Variants in KIF21B observed in about 807,000 individuals in gnomAD.
KIF21B encodes kinesin family member 21B.
Under a neutral mutation model 192.9 loss-of-function variants are expected in KIF21B, and 85 were observed. That is an observed-to-expected ratio of 0.44 (90% confidence interval 0.37 to 0.53). KIF21B has a LOEUF of 0.53. Ranked by LOEUF, KIF21B falls within the 20% of genes least tolerant of loss-of-function variation. KIF21B has a pLI of 0.00. For missense variants in KIF21B, 1,716 were observed against 2,194.8 expected (o/e 0.78, Z 4.36); for synonymous variants, 832 against 884.6 (o/e 0.94, Z 1.05).
intron 2 of KIF21B, 117 bp downstream of exon 2, chr1:201,009,149 A>T: frequency 8.5e-7 from 1 of 1,178,292 alleles, no homozygotes; most frequent in Non-Finnish European, 1.2e-6. Context: ...GCCTCCTTAG[A>T]CAATAGACAA....
chr1:201,007,634 G>GCA (rs142138159), intron 3 of KIF21B, among the ~76,000 whole-genome samples: 86 of 82,990 alleles, frequency 1.0e-3, no homozygotes, highest in Middle Eastern at 0.011. Flanking sequence ...ACACAGACAG[G>GCA]CACACACACA....
chr1:200,997,225 A>G (rs1393454292), intron 14 of KIF21B, among the ~76,000 whole-genome samples: 2 of 152,136 alleles, frequency 1.3e-5, no homozygotes, highest in Non-Finnish European at 2.9e-5. Context: ...GTATAAGGCA[A>G]TGTCCTTACA....
At chr1:200,979,825 C>T in intron 29 of KIF21B, 110 bp from the exon 30 acceptor site, 3 of 842,006 alleles carry the variant, frequency 3.6e-6, no homozygotes, top group Non-Finnish European at 5.2e-6. Context: ...ATCCACAGGG[C>T]TCCAGAGGAC....
chr1:201,009,015 C>G, intron 2 of KIF21B, 64 bp from the exon 3 acceptor site: 1 of 1,523,896 alleles, frequency 6.6e-7, no homozygotes, highest in Non-Finnish European at 8.8e-7. Flanking sequence ...AAGCCCTGTA[C>G]CTGGGCCAAA....
rs1249624509 is a variant in KIF21B at position 200,999,807 on chromosome 1, C to T, written c.1767+76G>A. 27 of 1,498,806 alleles carry T rather than the reference C, an allele frequency of 1.8e-5. No homozygotes were observed. Among genetic ancestry groups the T allele is most frequent in the South Asian group, 6.7e-5 (6 of 88,906 alleles). The allele number at this position is 1,498,806 out of a possible 1,614,324, so 92.8% of individuals were successfully genotyped here. On this transcript the variant is annotated intron_variant, in intron 12 of 34. Coordinates refer to ENST00000461742, the MANE Select transcript of KIF21B (RefSeq NM_001252102.2). This position sits in a 1 kb window ranked among gnomAD's most constrained non-coding sequence, Gnocchi z 4.7. The stretch of plus-strand genomic sequence containing the variant: ...GCCTCCTTCACTCCATACAAGGATG[C>T]GGATGGGGCCCCCGCCAACCCCAGC...
intron 29 of KIF21B, 74 bp from the exon 30 acceptor site, chr1:200,979,789 G>A (rs190442079): frequency 2.3e-6 from 3 of 1,326,712 alleles, no homozygotes; most frequent in East Asian, 5.4e-5. Context: ...CACCTCTGCA[G>A]GGGCTGCCCA....
rs140335251 is a variant in KIF21B at position 201,004,444 on chromosome 1, G to A, written c.912C>T (p.Gly304=). Residue 304 remains glycine (G), a synonymous_variant, in exon 7 of 35, where the codon GGC becomes GGT. Transcript: ENST00000461742. The part of the protein sequence containing the change: ...ISINCGLLAL[G]NVISALGDQS... ...GGTCCCCTAAGGCGCTGATCACATT[G>A]CCCAAGGCCAGCTGTGGGAGACAGA... 5.1e-6 allele frequency: 8 copies of A among 1,573,584 alleles called. No individual in the cohort carries two copies. In the African/African-American group the frequency reaches 1.1e-4, roughly 21 times the overall value.
At chr1:201,016,373 G>A (rs1342530823) in intron 1 of KIF21B, among the ~76,000 whole-genome samples, 4 of 152,328 alleles carry the variant, frequency 2.6e-5, no homozygotes, top group South Asian at 2.1e-4. Context: ...GGAGAAGTAC[G>A]GAGTCGGGAA....
At chr1:201,005,179 A>G in intron 5 of KIF21B, 129 bp downstream of exon 5, 1 of 1,332,748 alleles carries the variant, frequency 7.5e-7, no homozygotes, top group Non-Finnish European at 1.0e-6. Context: ...AGAAAAATAT[A>G]AAAATCAACA....
At position 200,999,917 on chromosome 1, in the gene KIF21B, T is replaced by A; in HGVS notation, c.1733A>T (p.Asn578Ile). The change falls in exon 12 of 35, where the codon AAC becomes ATC. Residue 578 changes from asparagine (N) to isoleucine (I), a missense_variant. Transcript: ENST00000461742. This position sits in a 1 kb window ranked among gnomAD's most constrained non-coding sequence, Gnocchi z 4.7. ...FKKRAKLQQE[N>I]SEETDENEAE... ...CTCGTTCTCATCCGTCTCCTCGCTG[T>A]TCTCCTGTTGGAGTTTTGCCCTCTT... is the stretch of plus-strand genomic sequence containing the variant. The A allele has an allele frequency of 6.2e-7, 1 of 1,614,032 alleles. No homozygotes were observed. The highest frequency in any genetic ancestry group is 8.5e-7 in the Non-Finnish European group (1 of 1,180,012).
In KIF21B at chr1:200,986,997, A is replaced by G; in HGVS notation, c.3613T>C (p.Phe1205Leu). 1.2e-6 allele frequency: 2 copies of G among 1,613,794 alleles called. No individual in the cohort carries two copies. The highest frequency in any genetic ancestry group is 1.7e-6 in the Non-Finnish European group (2 of 1,179,888). Residue 1205 changes from phenylalanine to leucine, a missense_variant and splice_region_variant, in exon 25 of 35, where the codon TTC (phenylalanine) becomes CTC (leucine). Physicochemically the swap from Phe to Leu is conservative, Grantham distance 22 (BLOSUM62 0). This residue lies in a region of KIF21B where 580 missense variants were observed against 775.5 expected (regional missense o/e 0.75). Coordinates refer to ENST00000461742, the MANE Select transcript of KIF21B (RefSeq NM_001252102.2). Reference sequence around the variant, plus strand: ...CCACATTCCTGCTCCCATCCTTACAAAGTGCTGCCCCGGGTAGGCAGACTG... The same window carrying G: ...CCACATTCCTGCTCCCATCCTTACAGAGTGCTGCCCCGGGTAGGCAGACTG... ...TVSLPTRGST[F>L]PRQSRATETS...
At chr1:200,973,726 G>T in intron 34 of KIF21B, 148 bp from the exon 35 acceptor site, 1 of 1,479,620 alleles carries the variant, frequency 6.8e-7, no homozygotes. Flanking sequence ...CGGGGAGGTG[G>T]ACTGCAGGTG....
chr1:200,974,884 C>T lies in KIF21B; in HGVS notation c.4644G>A (p.Val1548=), dbSNP rs757095691. ...QQIPNAHKDW[V]CALAFIPGRP... The stretch of plus-strand genomic sequence containing the variant: ...GGCCCGGGATGAAGGCCAGGGCGCA[C>T]ACCCAGTCCTTGTGCGCATTGGGGA... The change falls in exon 34 of 35, where the codon GTG becomes GTA. Residue 1548 remains valine (V), a synonymous_variant. Coordinates refer to ENST00000461742, the MANE Select transcript of KIF21B (RefSeq NM_001252102.2). 4 of 1,613,954 alleles carry T rather than the reference C, an allele frequency of 2.5e-6. No individual in the cohort carries two copies. Among genetic ancestry groups the T allele is most frequent in the African/African-American group, 2.7e-5 (2 of 74,934 alleles).
At chr1:201,013,115 A>G (rs1476247749) in intron 1 of KIF21B, among the ~76,000 whole-genome samples, 1 of 152,174 alleles carries the variant, frequency 6.6e-6, no homozygotes, top group Non-Finnish European at 1.5e-5. Flanking sequence ...ACACTGTCTC[A>G]GTCATCCTGG....
At chr1:201,014,160 T>A (rs1658375508) in intron 1 of KIF21B, among the ~76,000 whole-genome samples, 1 of 152,200 alleles carries the variant, frequency 6.6e-6, no homozygotes, top group South Asian at 2.1e-4. Context: ...TTGCTGAGCT[T>A]CCTCTGTTCA....
intron 34 of KIF21B, 125 bp from the exon 35 acceptor site, chr1:200,973,703 C>T: frequency 6.7e-7 from 1 of 1,493,792 alleles, no homozygotes; most frequent in Non-Finnish European, 8.8e-7. Context: ...GGCTGGGAGG[C>T]AAGCATGGCT....
chr1:201,009,238 G>A (rs201337818), intron 2 of KIF21B, 28 bp downstream of exon 2: 18 of 1,598,852 alleles, frequency 1.1e-5, no homozygotes, highest in South Asian at 7.8e-5. Flanking sequence ...GGCTGGAGCC[G>A]CCATAGGTGG....
chr1:200,973,846 G>C (rs936919416), intron 34 of KIF21B: 62 of 1,438,970 alleles, frequency 4.3e-5, no homozygotes, highest in East Asian at 1.5e-4. Context: ...AGGCCTGAAG[G>C]CTCCCCCTTC....
chr1:201,013,904 C>G (rs1207403413), intron 1 of KIF21B, among the ~76,000 whole-genome samples: 2 of 152,174 alleles, frequency 1.3e-5, no homozygotes, highest in Non-Finnish European at 2.9e-5. Context: ...GTCCAGGGTA[C>G]CTGGAGGTCA....
Sources: gnomAD v4.1 joint callset for allele counts (sites outside exome capture counted in the v4.1 genomes callset) on GRCh38, gnomAD v4.1.1 for gene constraint, gnomAD v4.1.1 regional missense constraint, Gnocchi (gnomAD v3.1) non-coding constraint, MANE v1.5 for transcripts, NCBI Gene and HGNC (gene_info 2026-07-23, HGNC 2026-07-21) for gene names.